Variants in PCSK5 observed in about 807,000 individuals in gnomAD.
PCSK5 encodes the protein proprotein convertase subtilisin/kexin type 5.
PCSK5 carries 129 observed loss-of-function variants against 233.2 expected under a neutral mutation model. The observed-to-expected ratio is 0.55, with a 90% CI of 0.48 to 0.64. The LOEUF (loss-of-function observed/expected upper bound fraction) is 0.64. PCSK5 is among the 30% of genes least tolerant of loss of function. PCSK5 has a pLI of 0.00. For synonymous variants in PCSK5, 825 were observed against 879.2 expected, an observed-to-expected ratio of 0.94 and a Z score of 1.09; for missense variants, 2,076 against 2,430.1, an observed-to-expected ratio of 0.85 and a Z score of 3.06.
chr9:76,217,820 A>G (rs1490070243), intron 20 of PCSK5, among the ~76,000 whole-genome samples: 1 of 152,298 alleles, frequency 6.6e-6, no homozygotes, highest in African/African-American at 2.4e-5. Flanking sequence ...AACCACGGGG[A>G]AGGACGTTAG....
intron 3 of PCSK5, among the ~76,000 whole-genome samples, chr9:76,008,559 T>G (rs1477010502): frequency 2.6e-5 from 4 of 152,034 alleles, no homozygotes; most frequent in African/African-American, 9.7e-5. Flanking sequence ...CCTCCCAGGT[T>G]CAAGTGATTC....
intron 5 of PCSK5, among the ~76,000 whole-genome samples, chr9:76,048,171 T>A (rs1230491222): frequency 6.6e-6 from 1 of 152,216 alleles, no homozygotes; most frequent in Non-Finnish European, 1.5e-5. Context: ...ACCCTGTGTC[T>A]TTTTGAAAGT....
chr9:76,132,112 TC>T (rs2131741830), intron 9 of PCSK5, among the ~76,000 whole-genome samples: 1 of 152,182 alleles, frequency 6.6e-6, no homozygotes, highest in African/African-American at 2.4e-5. Context: ...AGCTAGAACA[TC>T]TTATGTTGAG....
chr9:76,345,182 ATTATTTTATT>A (rs59974258), intron 35 of PCSK5, among the ~76,000 whole-genome samples: 66 of 150,900 alleles, frequency 4.4e-4, no homozygotes, highest in African/African-American at 8.5e-4. Context: ...ATTTTATTTT[ATTATTTTATT>A]TTATTTTATT....
intron 10 of PCSK5, among the ~76,000 whole-genome samples, chr9:76,154,120 T>C (rs1292477781): frequency 1.3e-5 from 2 of 152,246 alleles, no homozygotes; most frequent in East Asian, 3.8e-4. Context: ...ATTGACTTAG[T>C]GACCTTCATT....
At chr9:76,172,041 G>T (rs367845117) in intron 13 of PCSK5, among the ~76,000 whole-genome samples, 1 of 152,066 alleles carries the variant, frequency 6.6e-6, no homozygotes, top group African/African-American at 2.4e-5. Flanking sequence ...ATCAGTAAGC[G>T]AATAGAAATT....
intron 1 of PCSK5, among the ~76,000 whole-genome samples, chr9:75,902,708 G>T (rs1483377309): frequency 6.6e-6 from 1 of 152,138 alleles, no homozygotes; most frequent in Non-Finnish European, 1.5e-5. Flanking sequence ...AGCAATTTGT[G>T]CTGATATGTC....
At chr9:75,920,093 C>T (rs771523139) in intron 1 of PCSK5, among the ~76,000 whole-genome samples, 3 of 151,998 alleles carry the variant, frequency 2.0e-5, no homozygotes, top group Admixed American at 6.6e-5. Context: ...CACTTGAATG[C>T]GGGAGGCAAA....
At chr9:76,018,512 G>A (rs530728472) in intron 3 of PCSK5, among the ~76,000 whole-genome samples, 1 of 152,170 alleles carries the variant, frequency 6.6e-6, no homozygotes, top group African/African-American at 2.4e-5. Flanking sequence ...GAGGGATCTA[G>A]GTTGCGTGCT....
chr9:76,230,169 G>T (rs554499130), intron 21 of PCSK5, among the ~76,000 whole-genome samples: 7 of 152,258 alleles, frequency 4.6e-5, no homozygotes, highest in South Asian at 4.1e-4. Flanking sequence ...TTGGGGGGAG[G>T]TTGGAGAATG....
intron 20 of PCSK5, among the ~76,000 whole-genome samples, chr9:76,225,433 T>A (rs1825858130): frequency 6.6e-6 from 1 of 152,156 alleles, no homozygotes. Flanking sequence ...ACTCAGCATA[T>A]TTTTTTGAAA....
At chr9:76,250,490 T>A (rs888458977) in intron 24 of PCSK5, among the ~76,000 whole-genome samples, 6 of 152,220 alleles carry the variant, frequency 3.9e-5, no homozygotes, top group Non-Finnish European at 7.3e-5. Context: ...GTACTTTTGA[T>A]ACAATGTAAT....
chr9:75,993,883 G>A (rs1033724423), intron 3 of PCSK5, among the ~76,000 whole-genome samples: 14 of 152,160 alleles, frequency 9.2e-5, no homozygotes, highest in African/African-American at 3.4e-4. Flanking sequence ...CCCAGTATTA[G>A]GAGTCTCATA....
intron 2 of PCSK5, among the ~76,000 whole-genome samples, chr9:75,963,833 C>T (rs977477889): frequency 1.3e-5 from 2 of 152,122 alleles, no homozygotes; most frequent in Non-Finnish European, 2.9e-5. Flanking sequence ...GAGCCGAAAT[C>T]GTGCCATTGC....
At chr9:76,139,300 C>T (rs549909878) in intron 10 of PCSK5, among the ~76,000 whole-genome samples, 3 of 152,188 alleles carry the variant, frequency 2.0e-5, no homozygotes, top group Admixed American at 6.6e-5. Context: ...GATGTGTTAC[C>T]ATTTGAAAGG....
intron 10 of PCSK5, among the ~76,000 whole-genome samples, chr9:76,139,926 G>T (rs1344015399): frequency 6.6e-6 from 1 of 152,076 alleles, no homozygotes; most frequent in Non-Finnish European, 1.5e-5. Flanking sequence ...ACTCTGCTTG[G>T]TCATGGCTTA....
At chr9:76,173,858 C>T (rs1823451738) in intron 13 of PCSK5, among the ~76,000 whole-genome samples, 2 of 151,938 alleles carry the variant, frequency 1.3e-5, no homozygotes, top group South Asian at 4.2e-4. Flanking sequence ...CCTGTAATCC[C>T]AGCTACTTGG....
At chr9:76,287,225 A>G (rs1003020365) in intron 24 of PCSK5, 69 of 220,226 alleles carry the variant, frequency 3.1e-4, no homozygotes, top group African/African-American at 1.5e-3. Context: ...TCATGTCTCT[A>G]TCGAAACTCC....
intron 3 of PCSK5, among the ~76,000 whole-genome samples, chr9:76,006,119 T>C (rs1349661957): frequency 6.6e-6 from 1 of 152,108 alleles, no homozygotes; most frequent in Non-Finnish European, 1.5e-5. Context: ...CATCTCTGTG[T>C]GTTTTATCTG....
Sources: gnomAD v4.1 joint callset for allele counts (sites outside exome capture counted in the v4.1 genomes callset) on GRCh38, gnomAD v4.1.1 for gene constraint, MANE v1.5 for transcripts, NCBI Gene and HGNC (gene_info 2026-07-23, HGNC 2026-07-21) for gene names.